The following CLUAP1 variants were observed in gnomAD, a reference collection of about 807,000 sequenced individuals.
CLUAP1 encodes intraflagellar transport 38, also known as clusterin-associated protein 1.
Under a neutral mutation model 55.0 loss-of-function variants are expected in CLUAP1, and 50 were observed. That is an observed-to-expected ratio of 0.91 (90% confidence interval 0.72 to 1.15). The LOEUF is 1.15. Among genes scored for constraint, CLUAP1 ranks in the 50% most tolerant of loss-of-function variants. CLUAP1 has a pLI of 0.00. For missense variants in CLUAP1, 530 were observed against 507.6 expected (o/e 1.04, Z -0.42); for synonymous variants, 195 against 175.4 (o/e 1.11, Z -0.88).
intron 11 of CLUAP1, chr16:3,533,367 G>A (rs2038167762): frequency 1.8e-6 from 1 of 567,260 alleles, no homozygotes. Context: ...GCTCAGGCCG[G>A]GCCATCCTCA....
In CLUAP1 at chr16:3,501,043, C is replaced by G. The variant is rs751121956; in HGVS notation, c.-25C>G. 9.4e-6 allele frequency: 15 copies of G among 1,597,446 alleles called. No homozygotes were observed. Among genetic ancestry groups the G allele is most frequent in the Non-Finnish European group, 9.4e-6 (11 of 1,175,050 alleles). The stretch of plus-strand genomic sequence containing the variant: ...CGCTGAGGGGCGAGCAGTTGCGACC[C>G]TGGGCTCCTGGGGACCTGAGCGTTA... On this transcript the variant is annotated 5_prime_UTR_variant, in exon 1 of 12. Coordinates refer to ENST00000576634, the MANE Select transcript of CLUAP1 (RefSeq NM_015041.3).
In CLUAP1 at chr16:3,538,304, A is replaced by G. The variant is rs781452756; in HGVS notation, c.*2033A>G. 4 of 151,016 alleles carry G rather than the reference A, an allele frequency of 2.6e-5. No homozygotes were observed. The Admixed American group carries it at 2.7e-4, about 10-fold the overall frequency. The allele number at this position is 151,016 out of a possible 1,614,324, so 9.4% of individuals were successfully genotyped here. Reference sequence around the variant, plus strand: ...CTCTTTCTTTTCCTAAATTTTATGTATAAGATTACCCCTAAAAAAAAAAAA... The same window carrying G: ...CTCTTTCTTTTCCTAAATTTTATGTGTAAGATTACCCCTAAAAAAAAAAAA... On this transcript the variant is annotated 3_prime_UTR_variant, in exon 12 of 12. Transcript: ENST00000576634.
In CLUAP1 at chr16:3,512,402, C is replaced by T; in HGVS notation, c.419C>T (p.Ala140Val). Residue 140 changes from alanine to valine, a missense_variant, in exon 5 of 12, where the codon GCC becomes GTC. Physicochemically the swap from Ala to Val is moderately conservative, Grantham distance 64. Transcript: ENST00000576634. The part of the protein sequence containing the change: ...LGSKIADLKA[A>V]RQLASEITSK... Reference sequence around the variant, plus strand: ...TTCCAGATTGCAGATTTGAAGGCAGCCAGGCAGCTTGCGTCTGAAATCACC... The same window carrying T: ...TTCCAGATTGCAGATTTGAAGGCAGTCAGGCAGCTTGCGTCTGAAATCACC... 3.1e-6 allele frequency: 5 copies of T among 1,613,736 alleles called. No individual in the cohort carries two copies. The highest frequency in any genetic ancestry group is 4.2e-6 in the Non-Finnish European group (5 of 1,179,712).
intron 7 of CLUAP1, among the ~76,000 whole-genome samples, chr16:3,521,444 T>TG (rs935511723): frequency 5.9e-5 from 9 of 151,574 alleles, no homozygotes; most frequent in African/African-American, 2.2e-4. Flanking sequence ...TTTTTGTTTT[T>TG]TTTTTTTGAG....
intron 4 of CLUAP1, among the ~76,000 whole-genome samples, chr16:3,511,983 T>C (rs1011588755): frequency 6.6e-6 from 1 of 151,858 alleles, no homozygotes; most frequent in African/African-American, 2.4e-5. Flanking sequence ...GGTCAGGAAT[T>C]CAAGAGCAGC....
intron 9 of CLUAP1, among the ~76,000 whole-genome samples, chr16:3,527,585 C>G (rs1406922167): frequency 6.6e-6 from 1 of 152,028 alleles, no homozygotes; most frequent in Non-Finnish European, 1.5e-5. Flanking sequence ...ACTCCTCCAC[C>G]TCTTGTGGAG....
At chr16:3,528,699 T>C (rs2037996003) in intron 9 of CLUAP1, among the ~76,000 whole-genome samples, 4 of 152,194 alleles carry the variant, frequency 2.6e-5, no homozygotes, top group Admixed American at 2.0e-4. Flanking sequence ...TGTGTTTTCT[T>C]CTAGGAGTTC....
intron 9 of CLUAP1, among the ~76,000 whole-genome samples, chr16:3,529,599 ATATTAT>A (rs2038038092): frequency 2.5e-5 from 1 of 39,302 alleles, no homozygotes; most frequent in African/African-American, 1.3e-4. Flanking sequence ...ATATTATTAT[ATATTAT>A]ATATTATATA....
At chr16:3,533,313 G>T in intron 11 of CLUAP1, 1 of 635,160 alleles carries the variant, frequency 1.6e-6, no homozygotes, top group Non-Finnish European at 2.7e-6. Context: ...GAAGGCCCCT[G>T]TGCTAAAGTG....
At chr16:3,495,481 C>A in the CLUAP1 span, 8 of 1,584,746 alleles carry the variant, frequency 5.0e-6, no homozygotes, top group African/African-American at 1.1e-4. Context: ...GCCCTGCTCT[C>A]CCCTGCCTAG....
intron 10 of CLUAP1, among the ~76,000 whole-genome samples, chr16:3,531,807 A>G (rs146767478): frequency 1.5e-4 from 23 of 150,688 alleles, no homozygotes; most frequent in African/African-American, 5.6e-4. Context: ...TACAATTGGA[A>G]CTCTTCCTCT....
chr16:3,523,664 C>T (rs930955552), intron 8 of CLUAP1, among the ~76,000 whole-genome samples: 1 of 152,228 alleles, frequency 6.6e-6, no homozygotes, highest in Non-Finnish European at 1.5e-5. Context: ...TTATTTTCCA[C>T]TGATCCCAAA....
chr16:3,496,247 A>C (rs2037308083), upstream of CLUAP1: 1 of 662,094 alleles, frequency 1.5e-6, no homozygotes, highest in Admixed American at 1.8e-5. Flanking sequence ...GTTCGGCGCA[A>C]AGAGCCCAAG....
At chr16:3,524,027 G>C (rs984154713) in intron 8 of CLUAP1, among the ~76,000 whole-genome samples, 2 of 152,134 alleles carry the variant, frequency 1.3e-5, no homozygotes, top group African/African-American at 4.8e-5. Flanking sequence ...GGCAAGGTGC[G>C]ATGGCTTATA....
intron 1 of CLUAP1, 35 bp from the exon 2 acceptor site, chr16:3,504,685 G>A (rs1399007575): frequency 8.6e-7 from 1 of 1,166,510 alleles, no homozygotes; most frequent in South Asian, 1.2e-5. Flanking sequence ...GCTGTGTGAT[G>A]GGGAACTGAA....
At position 3,511,006 on chromosome 16, in the gene CLUAP1, C is replaced by T. The variant is rs117667561; in HGVS notation, c.400-1377C>T. Among the ~76,000 whole-genome samples the T allele has an allele frequency of 4.0e-3, 602 of 152,198 alleles. 8 individuals are homozygous for T. The East Asian group carries it at 0.04, about 10-fold the overall frequency. ...GTAGGAGCAGAGCCAGCAGAAAAGACGGGGGGTCCAGGAATGAAACTCTGA... is the reference window on the plus strand; with the variant it reads ...GTAGGAGCAGAGCCAGCAGAAAAGATGGGGGGTCCAGGAATGAAACTCTGA... On this transcript the variant is annotated intron_variant, in intron 4 of 11. Transcript: ENST00000576634.
At chr16:3,500,826 C>T, upstream of CLUAP1, 2 of 564,632 alleles carry the variant, frequency 3.5e-6, no homozygotes, top group East Asian at 3.0e-5. Context: ...GGGAAGCTTG[C>T]AGCCCTCATA....
At chr16:3,510,185 G>T (rs964638553) in intron 4 of CLUAP1, among the ~76,000 whole-genome samples, 12 of 152,204 alleles carry the variant, frequency 7.9e-5, no homozygotes, top group African/African-American at 2.4e-4. Context: ...GTAGAGTCAG[G>T]GTTTCTCCAT....
chr16:3,512,505 A>G (rs1404846068), intron 5 of CLUAP1, 27 bp downstream of exon 5: 2 of 1,538,122 alleles, frequency 1.3e-6, no homozygotes, highest in Non-Finnish European at 1.8e-6. Flanking sequence ...TTCCTTAACC[A>G]TGCAGATTTT....
Sources: allele counts gnomAD v4.1 joint callset (sites outside exome capture counted in the v4.1 genomes callset), GRCh38; gene constraint gnomAD v4.1.1; transcripts MANE v1.5; gene names NCBI Gene and HGNC (gene_info 2026-07-23, HGNC 2026-07-21).